VWA3A: variants seen among roughly 807,000 people sequenced by gnomAD.
VWA3A encodes von Willebrand factor A domain-containing protein 3A.
VWA3A carries 134 observed loss-of-function variants against 160.4 expected under a neutral mutation model. That is an observed-to-expected ratio of 0.84 (90% CI 0.73 to 0.96). The LOEUF (loss-of-function observed/expected upper bound fraction) is 0.96. VWA3A is among the 40% of genes least tolerant of loss of function. The probability of loss-of-function intolerance (pLI) is 0.00; values close to 1 mark genes in which losing one functional copy is unlikely to be tolerated. For missense variants in VWA3A, 1,310 were observed against 1,447.9 expected (o/e 0.90, Z 1.55); for synonymous variants, 476 against 543.4 (o/e 0.88, Z 1.72).
Position 22,121,099 on chromosome 16 carries a change from G to A in VWA3A, c.1248G>A (p.Leu416=). The A allele has an allele frequency of 6.2e-7, 1 of 1,613,912 alleles. No individual in the cohort carries two copies. Among genetic ancestry groups the A allele is most frequent in the African/African-American group, 1.3e-5 (1 of 75,034 alleles). The change falls in exon 13 of 34, where the codon CTG becomes CTA. Residue 416 remains leucine, a synonymous_variant. Coordinates refer to ENST00000389398, the MANE Select transcript of VWA3A (RefSeq NM_173615.5). ...TSAEWLKVNG[L]KAKKLSLYQV... Reference sequence around the variant, plus strand: ...CAGAGTGGCTTAAGGTCAATGGTCTGAAAGGTAAATCTCCAAAGAGGGCAG... The same window carrying A: ...CAGAGTGGCTTAAGGTCAATGGTCTAAAAGGTAAATCTCCAAAGAGGGCAG...
chr16:22,126,714 A>G (rs771709829), intron 17 of VWA3A, among the ~76,000 whole-genome samples: 23 of 152,158 alleles, frequency 1.5e-4, no homozygotes, highest in Non-Finnish European at 2.9e-4. Flanking sequence ...TTAAAACTGT[A>G]TATATAAATT....
Position 22,144,379 on chromosome 16 carries a change from A to G in VWA3A, c.2725A>G (p.Ile909Val). The change falls in exon 26 of 34, where the codon ATC becomes GTC. Residue 909 changes from isoleucine (I) to valine (V), a missense_variant. Transcript: ENST00000389398. ...CTGCAGCATCTTCCCCAGCGTTGAG[A>G]TCCATGTAAGTCACAATTTTCATCA... ...KHCSIFPSVE[I>V]HGVVRHIQWT... 1 of 1,610,588 alleles carries G rather than the reference A, an allele frequency of 6.2e-7. No individual in the cohort carries two copies. The highest frequency in any genetic ancestry group is 1.3e-5 in the African/African-American group (1 of 74,692).
intron 14 of VWA3A, among the ~76,000 whole-genome samples, chr16:22,121,975 C>T (rs2045743473): frequency 1.3e-5 from 2 of 152,040 alleles, no homozygotes; most frequent in East Asian, 1.9e-4. Flanking sequence ...TATTTAAATC[C>T]CCATCAAGTA....
At chr16:22,118,851 C>T (rs1475740494) in intron 11 of VWA3A, 51 bp from the exon 12 acceptor site, 2 of 1,608,986 alleles carry the variant, frequency 1.2e-6, no homozygotes, top group East Asian at 4.5e-5. Context: ...GGGTTGACCC[C>T]TGCAGGTAGT....
rs772288174 is a variant in VWA3A, at chr16:22,148,245, C to T, written c.2923C>T (p.Gln975Ter). 3.1e-5 allele frequency: 49 copies of T among 1,598,840 alleles called. No individual in the cohort carries two copies. The highest frequency in any genetic ancestry group is 4.0e-5 in the Non-Finnish European group (47 of 1,173,102). ...DTSGSMGPYL[Q>*]QVKTELVLLI... is the part of the protein sequence containing the mutation. ...GTCAGGGTCCATGGGCCCCTACCTG[C>T]AGCAGGTGAAGACAGAGCTGGTTTT... Residue 975 changes from glutamine (Q) to a stop codon, truncating the protein, a stop_gained, in exon 28 of 34, where the codon CAG (glutamine) becomes TAG (stop). Coordinates refer to ENST00000389398, the MANE Select transcript of VWA3A (RefSeq NM_173615.5). LOFTEE classifies it high-confidence loss of function.
intron 8 of VWA3A, among the ~76,000 whole-genome samples, chr16:22,111,834 C>T (rs1378306048): frequency 2.0e-5 from 3 of 152,150 alleles, no homozygotes; most frequent in African/African-American, 7.2e-5. Context: ...CCAGGCTGGT[C>T]CTGACCTTCT....
intron 21 of VWA3A, among the ~76,000 whole-genome samples, chr16:22,137,692 C>A (rs1458811097): frequency 6.6e-6 from 1 of 152,190 alleles, no homozygotes; most frequent in Non-Finnish European, 1.5e-5. Flanking sequence ...GTATGGAGAT[C>A]ACTGACTAGT....
At chr16:22,120,736 G>A (rs1403048052) in intron 12 of VWA3A, among the ~76,000 whole-genome samples, 1 of 152,140 alleles carries the variant, frequency 6.6e-6, no homozygotes, top group African/African-American at 2.4e-5. Context: ...GGAGCCAGGA[G>A]CATGGGCCAC....
chr16:22,146,570 A>G (rs2046255137), intron 27 of VWA3A, among the ~76,000 whole-genome samples: 1 of 152,036 alleles, frequency 6.6e-6, no homozygotes, highest in African/African-American at 2.4e-5. Context: ...GTGGATCACC[A>G]GTCAGTAGTT....
chr16:22,147,677 G>A (rs2046277903), intron 27 of VWA3A: 1 of 702,330 alleles, frequency 1.4e-6, no homozygotes, highest in Non-Finnish European at 2.6e-6. Context: ...AGCTGGGACA[G>A]AGAAGGCGTG....
In VWA3A at chr16:22,092,549, T is replaced by G; in HGVS notation, c.-89T>G. On this transcript the variant is annotated 5_prime_UTR_variant, in exon 1 of 34. Transcript: ENST00000389398. ...GGGCAAGCTTCGCTGCTGAGTTGCT[T>G]GGAGGAGCTTGGAGAAACCAGAAGT... The G allele has an allele frequency of 1.3e-5, 19 of 1,514,348 alleles. No individual in the cohort carries two copies. The highest frequency in any genetic ancestry group is 1.6e-5 in the Non-Finnish European group (18 of 1,119,514). 93.8% of individuals were successfully genotyped at this position (1,514,348 alleles called of 1,614,324 possible).
chr16:22,133,074 T>G lies in VWA3A; in HGVS notation c.2047T>G (p.Phe683Val). 6.2e-7 allele frequency: 1 copy of G among 1,613,106 alleles called. No homozygotes were observed. Among genetic ancestry groups the G allele is most frequent in the Non-Finnish European group, 8.5e-7 (1 of 1,179,540 alleles). Residue 683 changes from phenylalanine to valine, a missense_variant, in exon 20 of 34, where the codon TTC (phenylalanine) becomes GTC (valine). By Grantham distance (50) the Phe-to-Val change is conservative. Transcript: ENST00000389398. ...GGTCACCCGGGCTGCAGGTGGCCGCTTCCACTGGTTTGGAGACACAGGTAC... is the reference window on the plus strand; with the variant it reads ...GGTCACCCGGGCTGCAGGTGGCCGCGTCCACTGGTTTGGAGACACAGGTAC... The part of the protein sequence containing the change: ...KEVTRAAGGR[F>V]HWFGDTGIYE...
intron 8 of VWA3A, among the ~76,000 whole-genome samples, chr16:22,113,358 ATTTTCTTTTTTTT>A (rs2045580497): frequency 1.1e-4 from 4 of 35,024 alleles, no homozygotes; most frequent in Admixed American, 6.4e-4. Context: ...TGCCTGGCTA[ATTTTCTTTTTTTT>A]TTTTTTTTTT....
At chr16:22,125,610 A>G (rs901144927) in intron 16 of VWA3A, among the ~76,000 whole-genome samples, 1 of 151,826 alleles carries the variant, frequency 6.6e-6, no homozygotes, top group Non-Finnish European at 1.5e-5. Context: ...TTTTTAGTAG[A>G]GACAGGGTTT....
In VWA3A at chr16:22,092,762, G is replaced by T. The variant is rs1901376229; in HGVS notation, c.14+111G>T. 4 of 1,358,680 alleles carry T rather than the reference G, an allele frequency of 2.9e-6. No homozygotes were observed. The Admixed American group carries it at 8.5e-5, about 29-fold the overall frequency. 84.2% of individuals were successfully genotyped at this position (1,358,680 alleles called of 1,614,324 possible). On this transcript the variant is annotated intron_variant, in intron 1 of 33. Transcript: ENST00000389398. ...ATCGAGGGAGCTTGGGGTGTGAAGT[G>T]TCCACTCCCTACATGCCGAGCATTG...
At position 22,118,873 on chromosome 16, in the gene VWA3A, G is replaced by A. The variant is rs142358931; in HGVS notation, c.991-29G>A. ...CCCCTGCAGGTAGTCAAGTGATTCC[G>A]GATGTCTGATTGCTCTTGCCACCCT... is the stretch of plus-strand genomic sequence containing the variant. On this transcript the variant is annotated intron_variant, in intron 11 of 33. Coordinates refer to ENST00000389398, the MANE Select transcript of VWA3A (RefSeq NM_173615.5). 3,286 of 1,613,122 alleles carry A rather than the reference G, an allele frequency of 2.0e-3. 5 individuals carry two copies. The highest frequency in any genetic ancestry group is 0.016 in the Middle Eastern group (98 of 6,052).
At chr16:22,100,124 C>A in intron 3 of VWA3A, 70 bp from the exon 4 acceptor site, 1 of 1,462,028 alleles carries the variant, frequency 6.8e-7, no homozygotes, top group South Asian at 1.4e-5. Flanking sequence ...CGTTGGGTAT[C>A]TGTGTGAAGG....
At chr16:22,123,044 T>G (rs1160636315) in intron 14 of VWA3A, 41 bp from the exon 15 acceptor site, 1 of 1,532,022 alleles carries the variant, frequency 6.5e-7, no homozygotes, top group Non-Finnish European at 8.9e-7. Context: ...TACATGTACT[T>G]CTGTTCGCCT....
At chr16:22,124,830 G>A (rs1242708918) in intron 16 of VWA3A, among the ~76,000 whole-genome samples, 2 of 152,066 alleles carry the variant, frequency 1.3e-5, no homozygotes, top group East Asian at 1.9e-4. Flanking sequence ...GGTAGGAAGC[G>A]GAACTTGAAC....
Sources: allele counts gnomAD v4.1 joint callset (sites outside exome capture counted in the v4.1 genomes callset), GRCh38; gene constraint gnomAD v4.1.1; transcripts MANE v1.5; gene names NCBI Gene and HGNC (gene_info 2026-07-23, HGNC 2026-07-21).